ACOT11: variants seen among roughly 807,000 people sequenced by gnomAD.
The protein encoded by ACOT11 is acyl-coenzyme A thioesterase 11.
Under a neutral mutation model 77.5 loss-of-function variants are expected in ACOT11, and 69 were observed. That is an observed-to-expected ratio of 0.89 (90% CI 0.73 to 1.09). The LOEUF is 1.09. ACOT11 is among the 50% of genes least tolerant of loss of function. ACOT11 has a pLI of 0.00. For missense variants in ACOT11, 766 were observed against 813.7 expected, an observed-to-expected ratio of 0.94 and a Z score of 0.71; for synonymous variants, 279 against 313.0, an observed-to-expected ratio of 0.89 and a Z score of 1.15.
chr1:54,595,890 G>A (rs915125741), intron 6 of ACOT11, among the ~76,000 whole-genome samples: 2 of 152,188 alleles, frequency 1.3e-5, no homozygotes, highest in African/African-American at 4.8e-5. Context: ...CCGGAGTGGG[G>A]AGAGAGCAGG....
At chr1:54,601,512 G>A (rs561423339) in intron 9 of ACOT11, 99 bp downstream of exon 9, 220 of 1,511,456 alleles carry the variant, frequency 1.5e-4, no homozygotes, top group Non-Finnish European at 1.8e-4. Flanking sequence ...ACCTAGAGGC[G>A]TGAGGGGCCC....
chr1:54,566,663 G>A (rs546558575), intron 1 of ACOT11, among the ~76,000 whole-genome samples: 2 of 152,282 alleles, frequency 1.3e-5, no homozygotes, highest in East Asian at 3.9e-4. Context: ...ATGTGGCATT[G>A]ATGGAGGCTG....
At chr1:54,606,538 C>G (rs979039306) in intron 13 of ACOT11, among the ~76,000 whole-genome samples, 13 of 152,192 alleles carry the variant, frequency 8.5e-5, no homozygotes, top group African/African-American at 3.1e-4. Context: ...GGATACATCT[C>G]TGCCACCTGA....
exon 17 of ACOT11, chr1:54,634,832 A>G (rs1158640871): frequency 1.6e-5 from 10 of 638,506 alleles, no homozygotes; most frequent in African/African-American, 7.3e-5. Flanking sequence ...GACTCCAACT[A>G]TCATGAGCAA....
intron 1 of ACOT11, among the ~76,000 whole-genome samples, chr1:54,557,006 A>G (rs542935392): frequency 6.6e-6 from 1 of 152,206 alleles, no homozygotes; most frequent in Non-Finnish European, 1.5e-5. Flanking sequence ...CCTGGGCTCA[A>G]ATGATACTCC....
At chr1:54,576,253 G>A (rs565910597) in intron 1 of ACOT11, among the ~76,000 whole-genome samples, 1 of 152,262 alleles carries the variant, frequency 6.6e-6, no homozygotes, top group South Asian at 2.1e-4. Context: ...ATTTGGGGCC[G>A]GGTGCAGTGG....
chr1:54,594,076 G>C, intron 5 of ACOT11, 37 bp downstream of exon 5: 1 of 1,590,860 alleles, frequency 6.3e-7, no homozygotes, highest in Non-Finnish European at 8.6e-7. Flanking sequence ...ACGCTGCTCA[G>C]TGACCTGGGC....
At chr1:54,569,006 G>T (rs1653838919) in intron 1 of ACOT11, among the ~76,000 whole-genome samples, 1 of 151,900 alleles carries the variant, frequency 6.6e-6, no homozygotes, top group East Asian at 1.9e-4. Flanking sequence ...AGCAACTTGG[G>T]ATGCTGAGGT....
intron 15 of ACOT11, chr1:54,616,315 T>C: frequency 1.3e-6 from 1 of 750,908 alleles, no homozygotes; most frequent in Non-Finnish European, 2.1e-6. Context: ...ACTTCCATCA[T>C]AGTTTCACAT....
chr1:54,604,218 T>C, intron 11 of ACOT11, 128 bp from the exon 12 acceptor site: 2 of 821,580 alleles, frequency 2.4e-6, no homozygotes, highest in Non-Finnish European at 3.9e-6. Context: ...CCACAGCACC[T>C]GCCGCACCAC....
intron 4 of ACOT11, 35 bp downstream of exon 4, chr1:54,592,641 G>C: frequency 3.7e-6 from 6 of 1,607,898 alleles, no homozygotes; most frequent in Non-Finnish European, 5.1e-6. Context: ...GAGTGGGTGC[G>C]TGGGTGGGTC....
intron 1 of ACOT11, among the ~76,000 whole-genome samples, chr1:54,576,654 A>G (rs1654127614): frequency 1.3e-5 from 2 of 152,168 alleles, no homozygotes; most frequent in African/African-American, 4.8e-5. Flanking sequence ...AAAGTGGGCT[A>G]TAGGGCAAGC....
In ACOT11 at chr1:54,620,110, A is replaced by G. The variant is rs545435022; in HGVS notation, c.1630-10624A>G. On this transcript the variant is annotated intron_variant, in intron 15 of 16. Coordinates refer to the ACOT11 transcript ENST00000371316. Reference sequence around the variant, plus strand: ...TCCCTGGGCTCCCACTGTGTCCAGTACCCCATCTGGCAGAGGGACGGTGAG... The same window carrying G: ...TCCCTGGGCTCCCACTGTGTCCAGTGCCCCATCTGGCAGAGGGACGGTGAG... The G allele has an allele frequency of 7.1e-5, 89 of 1,249,554 alleles. No homozygotes were observed. In the African/African-American group the frequency reaches 1.2e-3, roughly 17 times the overall value. 77.4% of individuals were successfully genotyped at this position (1,249,554 alleles called of 1,614,324 possible).
At chr1:54,614,418 CTG>C (rs71767684), downstream of ACOT11, among the ~76,000 whole-genome samples, 47,021 of 151,798 alleles carry the variant, frequency 0.31, 8,499 homozygotes, top group East Asian at 0.56. Context: ...GAAGTCAGGG[CTG>C]TGTTAGAAGG....
At chr1:54,589,064 C>T (rs1317788171) in intron 3 of ACOT11, among the ~76,000 whole-genome samples, 4 of 151,954 alleles carry the variant, frequency 2.6e-5, no homozygotes, top group African/African-American at 4.8e-5. Flanking sequence ...TCTCCCAGGC[C>T]GGAGTGCAGT....
chr1:54,610,574 C>A, downstream of ACOT11: 1 of 1,606,632 alleles, frequency 6.2e-7, no homozygotes, highest in Non-Finnish European at 8.5e-7. Context: ...CCCCAAATCG[C>A]CAAGGTGAAG....
At chr1:54,551,366 G>A (rs1057338219) in intron 1 of ACOT11, among the ~76,000 whole-genome samples, 6 of 152,174 alleles carry the variant, frequency 3.9e-5, no homozygotes, top group African/African-American at 1.4e-4. Flanking sequence ...CAAGTGAGTG[G>A]GCGACTGAAT....
Position 54,578,382 on chromosome 1 carries a change from A to T in ACOT11, c.34-6273A>T, listed in dbSNP as rs1654188019. On this transcript the variant is annotated intron_variant, in intron 1 of 15. Coordinates refer to ENST00000343744, the MANE Select transcript of ACOT11 (RefSeq NM_147161.4). ...CTGGACAAACCAAGACACCTATGGC[A>T]GTGCAGGCCCCACCCCCTGAAAAGC... Among the ~76,000 whole-genome samples the T allele has an allele frequency of 2.6e-5, 4 of 152,188 alleles. No individual in the cohort carries two copies. In the South Asian group the frequency reaches 8.3e-4, roughly 32 times the overall value.
Position 54,602,830 on chromosome 1 carries a change from T to C in ACOT11, c.1085+106T>C, listed in dbSNP as rs116796035. 949 of 1,234,904 alleles carry C rather than the reference T, an allele frequency of 7.7e-4. 8 individuals are homozygous for C. The African/African-American group carries it at 0.014, about 18-fold the overall frequency. 76.5% of individuals were successfully genotyped at this position (1,234,904 alleles called of 1,614,324 possible). A position where few individuals can be genotyped will look rare whatever the true frequency, so the allele number is the denominator to read the frequency against. On this transcript the variant is annotated intron_variant, in intron 10 of 15. Coordinates refer to ENST00000343744, the MANE Select transcript of ACOT11 (RefSeq NM_147161.4). Reference sequence around the variant, plus strand: ...TCAGAGCTGCCTGTGCGTTGGGCCCTGGGCCGGGCCCTTTACATCCTCTCG... The same window carrying C: ...TCAGAGCTGCCTGTGCGTTGGGCCCCGGGCCGGGCCCTTTACATCCTCTCG...
Sources: allele counts gnomAD v4.1 joint callset (sites outside exome capture counted in the v4.1 genomes callset), GRCh38; gene constraint gnomAD v4.1.1; transcripts MANE v1.5; gene names NCBI Gene and HGNC (gene_info 2026-07-23, HGNC 2026-07-21).